POLR3G: variants seen among roughly 807,000 people sequenced by gnomAD.
POLR3G encodes the protein DNA-directed RNA polymerase III subunit RPC7.
Under a neutral mutation model 30.1 loss-of-function variants are expected in POLR3G, and 28 were observed. That is an observed-to-expected ratio of 0.93 (90% CI 0.69 to 1.27). The LOEUF (loss-of-function observed/expected upper bound fraction) is 1.27. Among genes scored for constraint, POLR3G ranks in the 50% most tolerant of loss-of-function variants. The pLI, the probability that POLR3G is intolerant of heterozygous loss-of-function variation, is 0.00. For synonymous variants in POLR3G, 79 were observed against 82.5 expected (o/e 0.96, Z 0.23); for missense variants, 254 against 264.6 (o/e 0.96, Z 0.28).
In POLR3G at chr5:90,501,957, C is replaced by A; in HGVS notation, c.407C>A (p.Thr136Asn). Residue 136 changes from threonine to asparagine, a missense_variant, in exon 6 of 8, where the codon ACT becomes AAT. Coordinates refer to ENST00000651687, the MANE Select transcript of POLR3G (RefSeq NM_006467.3). ...AKDAGKGTPL[T>N]NTEDVLKKME... Reference sequence around the variant, plus strand: ...GACGCAGGCAAAGGCACACCACTCACTAATACTGAAGATGTGTTGAAAAAA... The same window carrying A: ...GACGCAGGCAAAGGCACACCACTCAATAATACTGAAGATGTGTTGAAAAAA... 6.2e-7 allele frequency: 1 copy of A among 1,613,454 alleles called. No homozygotes were observed. Among genetic ancestry groups the A allele is most frequent in the Non-Finnish European group, 8.5e-7 (1 of 1,179,598 alleles).
chr5:90,478,468 T>C (rs552281509), intron 1 of POLR3G, among the ~76,000 whole-genome samples: 2 of 152,122 alleles, frequency 1.3e-5, no homozygotes, highest in East Asian at 3.9e-4. Context: ...AAAGCAGTCC[T>C]GCTTTTGTTA....
chr5:90,509,084 T>C (rs948558110), intron 7 of POLR3G, among the ~76,000 whole-genome samples: 3 of 152,212 alleles, frequency 2.0e-5, no homozygotes, highest in African/African-American at 7.2e-5. Flanking sequence ...TTCAACAATT[T>C]ACAGCAATTA....
chr5:90,490,106 CA>C lies in POLR3G; in HGVS notation c.247+1988del, dbSNP rs745413710. 3.6e-3 allele frequency among the ~76,000 whole-genome samples: 485 copies of C among 134,912 alleles called. 4 individuals are homozygous for C. Among genetic ancestry groups the C allele is most frequent in the African/African-American group, 0.012 (440 of 36,606 alleles). The allele number at this position is 134,912 out of a possible 152,430, so 88.5% of individuals were successfully genotyped here. A position where few individuals can be genotyped will look rare whatever the true frequency, so the allele number is the denominator to read the frequency against. The stretch of plus-strand genomic sequence containing the variant: ...TGGGTGACAGAGTGAGACTCTGTCT[CA>C]AAAAAAAAAAGTATATCATATAATT... On this transcript the variant is annotated intron_variant, in intron 3 of 7. Transcript: ENST00000651687.
At chr5:90,502,097 A>G (rs1373371376) in intron 6 of POLR3G, 109 bp downstream of exon 6, 7 of 1,484,080 alleles carry the variant, frequency 4.7e-6, no homozygotes, top group Non-Finnish European at 6.2e-6. Flanking sequence ...AATAATGTAA[A>G]TTTGGCAGAA....
chr5:90,489,099 T>C (rs1317098908), intron 3 of POLR3G, among the ~76,000 whole-genome samples: 1 of 152,152 alleles, frequency 6.6e-6, no homozygotes, highest in East Asian at 1.9e-4. Flanking sequence ...TAGAATAGTT[T>C]GAATTGGCTG....
intron 6 of POLR3G, among the ~76,000 whole-genome samples, chr5:90,502,811 T>G: frequency 6.6e-6 from 1 of 151,784 alleles, no homozygotes. Flanking sequence ...CTTCTTTTTT[T>G]TTTTTTGGCT....
At chr5:90,474,097 G>T (rs1320543906), upstream of POLR3G, 1 of 1,575,330 alleles carries the variant, frequency 6.3e-7, no homozygotes, top group South Asian at 1.2e-5. Flanking sequence ...TTGGCCTCTC[G>T]GTCCTGCAAG....
At chr5:90,483,794 G>T (rs1414131061) in intron 1 of POLR3G, among the ~76,000 whole-genome samples, 1 of 152,140 alleles carries the variant, frequency 6.6e-6, no homozygotes, top group African/African-American at 2.4e-5. Flanking sequence ...GTCTAAAAGT[G>T]CAATGCCTTG....
intron 2 of POLR3G, among the ~76,000 whole-genome samples, chr5:90,487,486 G>T (rs1751503799): frequency 6.8e-6 from 1 of 146,296 alleles, no homozygotes; most frequent in Non-Finnish European, 1.5e-5. Flanking sequence ...CCGCCTCCCG[G>T]GTTCACACCA....
chr5:90,497,570 A>G (rs1425339105), intron 4 of POLR3G, 86 bp from the exon 5 acceptor site: 7 of 1,452,318 alleles, frequency 4.8e-6, no homozygotes, highest in African/African-American at 1.5e-5. Flanking sequence ...TTTTCTGGAC[A>G]ACTGTTGTGT....
intron 5 of POLR3G, among the ~76,000 whole-genome samples, chr5:90,498,355 T>C (rs1321971295): frequency 8.5e-5 from 13 of 152,162 alleles, no homozygotes; most frequent in Non-Finnish European, 2.9e-5. Flanking sequence ...GTTTGTTACA[T>C]TGGTATATTG....
chr5:90,512,221 A>C lies in POLR3G; in HGVS notation c.*82A>C. On this transcript the variant is annotated 3_prime_UTR_variant, in exon 8 of 8. Coordinates refer to ENST00000651687, the MANE Select transcript of POLR3G (RefSeq NM_006467.3). ...CTTGATTTGTATTTTATTTCTGATAAGGAATAAGTACTTGTTTCTGTTGTT... is the reference window on the plus strand; with the variant it reads ...CTTGATTTGTATTTTATTTCTGATACGGAATAAGTACTTGTTTCTGTTGTT... The C allele has an allele frequency of 1.1e-6, 1 of 895,070 alleles. No individual in the cohort carries two copies. The highest frequency in any genetic ancestry group is 1.8e-6 in the Non-Finnish European group (1 of 550,246). The allele number at this position is 895,070 out of a possible 1,614,324, so 55.4% of individuals were successfully genotyped here.
rs907204650 is a variant in POLR3G at position 90,475,897 on chromosome 5, A to G, written c.-44+877A>G. ...CGGCTAATTTTGTATTTTTAATAGA[A>G]ACGGGGTTTCACCATGTTGGCCAGG... On this transcript the variant is annotated intron_variant, in intron 1 of 7. Coordinates refer to ENST00000651687, the MANE Select transcript of POLR3G (RefSeq NM_006467.3). Among the ~76,000 whole-genome samples the G allele has an allele frequency of 5.3e-5, 8 of 152,030 alleles. No homozygotes were observed. In the South Asian group the frequency reaches 1.5e-3, roughly 28 times the overall value.
chr5:90,489,366 A>C (rs1457862289), intron 3 of POLR3G, among the ~76,000 whole-genome samples: 1 of 151,776 alleles, frequency 6.6e-6, no homozygotes, highest in Non-Finnish European at 1.5e-5. Context: ...CCTGGGTTCA[A>C]GTGATTCTCA....
intron 7 of POLR3G, among the ~76,000 whole-genome samples, chr5:90,509,468 C>CA (rs1752636809): frequency 1.3e-5 from 2 of 151,916 alleles, no homozygotes; most frequent in South Asian, 2.1e-4. Context: ...ACTAGAGAGA[C>CA]AAAAAAGGTA....
At chr5:90,481,212 T>C (rs1751107120) in intron 1 of POLR3G, among the ~76,000 whole-genome samples, 1 of 151,964 alleles carries the variant, frequency 6.6e-6, no homozygotes, top group Admixed American at 6.6e-5. Context: ...TTATACTTAA[T>C]GAAATAGACC....
At chr5:90,503,057 T>G (rs975674915) in intron 6 of POLR3G, among the ~76,000 whole-genome samples, 1 of 152,182 alleles carries the variant, frequency 6.6e-6, no homozygotes, top group Admixed American at 6.5e-5. Flanking sequence ...GTTATACCAA[T>G]TTACTACCGT....
At chr5:90,505,781 A>G (rs917526067) in intron 6 of POLR3G, among the ~76,000 whole-genome samples, 3 of 152,236 alleles carry the variant, frequency 2.0e-5, no homozygotes, top group African/African-American at 7.2e-5. Flanking sequence ...ATGACTTGCT[A>G]TTATAATAAT....
chr5:90,484,044 C>T (rs1304796053), intron 1 of POLR3G, among the ~76,000 whole-genome samples: 1 of 152,200 alleles, frequency 6.6e-6, no homozygotes, highest in African/African-American at 2.4e-5. Context: ...TACCAATACT[C>T]TTAACATTTG....
Sources: gnomAD v4.1 joint callset for allele counts (sites outside exome capture counted in the v4.1 genomes callset) on GRCh38, gnomAD v4.1.1 for gene constraint, MANE v1.5 for transcripts, NCBI Gene and HGNC (gene_info 2026-07-23, HGNC 2026-07-21) for gene names.